PRDM5: variants seen among roughly 807,000 people sequenced by gnomAD.
PRDM5 encodes PR/SET domain 5.
In PRDM5, 56 loss-of-function variants were observed where a neutral mutation model predicts 81.2. The ratio of observed to expected loss-of-function variants is 0.69; its 90% CI spans 0.56 to 0.86. The LOEUF (loss-of-function observed/expected upper bound fraction) is 0.86, where lower values mean the gene tolerates loss of function less well. Among genes scored for constraint, PRDM5 ranks in the 40% least tolerant of loss-of-function variants. PRDM5 has a pLI of 0.00. For missense variants in PRDM5, 697 were observed against 770.1 expected, an observed-to-expected ratio of 0.91 and a Z score of 1.12; for synonymous variants, 267 against 256.4, an observed-to-expected ratio of 1.04 and a Z score of -0.39.
intron 13 of PRDM5, among the ~76,000 whole-genome samples, chr4:120,756,418 AC>A (rs1479688217): frequency 6.6e-6 from 1 of 152,096 alleles, no homozygotes; most frequent in Non-Finnish European, 1.5e-5. Flanking sequence ...ATAACCCCAC[AC>A]TTTTTTACTC....
At chr4:120,843,198 A>T (rs1264219715) in intron 3 of PRDM5, among the ~76,000 whole-genome samples, 2 of 152,022 alleles carry the variant, frequency 1.3e-5, no homozygotes, top group African/African-American at 2.4e-5. Context: ...GCCAGGCGTG[A>T]TGATGTGCAC....
downstream of PRDM5, among the ~76,000 whole-genome samples, chr4:120,687,579 A>G (rs1578549378): frequency 6.6e-6 from 1 of 152,138 alleles, no homozygotes; most frequent in Non-Finnish European, 1.5e-5. Flanking sequence ...GAATAATGCT[A>G]CAATGTGTTC....
intron 15 of PRDM5, among the ~76,000 whole-genome samples, chr4:120,708,797 T>G (rs1465463844): frequency 6.6e-6 from 1 of 152,030 alleles, no homozygotes; most frequent in Non-Finnish European, 1.5e-5. Context: ...GAGAGCTCTT[T>G]AAGAGGGAGA....
intron 14 of PRDM5, among the ~76,000 whole-genome samples, chr4:120,735,656 G>A (rs1326585621): frequency 2.6e-5 from 4 of 152,094 alleles, no homozygotes; most frequent in Non-Finnish European, 5.9e-5. Context: ...AGCAGTGGGA[G>A]AAAGAGGGAG....
chr4:120,824,033 TAGA>T (rs1755635677), intron 3 of PRDM5, among the ~76,000 whole-genome samples: 1 of 152,100 alleles, frequency 6.6e-6, no homozygotes, highest in South Asian at 2.1e-4. Context: ...CCACCATGAG[TAGA>T]AGGAGCCTGA....
At chr4:120,819,699 T>C (rs1755011512) in intron 4 of PRDM5, among the ~76,000 whole-genome samples, 1 of 152,130 alleles carries the variant, frequency 6.6e-6, no homozygotes, top group Non-Finnish European at 1.5e-5. Flanking sequence ...TACTTATTTT[T>C]AAATTAAAAT....
chr4:120,897,139 C>A (rs1333797117), intron 2 of PRDM5: 2 of 151,848 alleles, frequency 1.3e-5, no homozygotes, highest in African/African-American at 4.8e-5. Flanking sequence ...AAAGCTAATT[C>A]TTTGACAAAT....
At chr4:120,844,323 G>C (rs759560346) in intron 3 of PRDM5, among the ~76,000 whole-genome samples, 6 of 152,140 alleles carry the variant, frequency 3.9e-5, no homozygotes, top group Non-Finnish European at 4.4e-5. Flanking sequence ...CTTGCACTTT[G>C]CTTTATTGTG....
intron 8 of PRDM5, among the ~76,000 whole-genome samples, chr4:120,804,154 T>A (rs1752552784): frequency 6.6e-6 from 1 of 152,158 alleles, no homozygotes; most frequent in Non-Finnish European, 1.5e-5. Context: ...GAGCTAACTA[T>A]CCTAAATATA....
At chr4:120,833,182 A>G (rs1259360301) in intron 3 of PRDM5, among the ~76,000 whole-genome samples, 1 of 152,148 alleles carries the variant, frequency 6.6e-6, no homozygotes, top group Non-Finnish European at 1.5e-5. Context: ...TCAATGACAA[A>G]TTCCAGAAAT....
At chr4:120,738,426 T>G (rs767114677) in intron 14 of PRDM5, among the ~76,000 whole-genome samples, 1 of 148,826 alleles carries the variant, frequency 6.7e-6, no homozygotes, top group Non-Finnish European at 1.5e-5. Context: ...AGCTCTTAAT[T>G]TAACTTATTT....
chr4:120,876,523 CT>C (rs1218229754), intron 2 of PRDM5, among the ~76,000 whole-genome samples: 4 of 152,068 alleles, frequency 2.6e-5, no homozygotes, highest in Non-Finnish European at 5.9e-5. Flanking sequence ...AGTACAGTGA[CT>C]TTTAGGAACA....
chr4:120,774,322 A>G (rs572841603), intron 13 of PRDM5, among the ~76,000 whole-genome samples: 2 of 152,236 alleles, frequency 1.3e-5, no homozygotes, highest in Non-Finnish European at 2.9e-5. Flanking sequence ...CACCTTGCTC[A>G]TGTGATAGCA....
At chr4:120,714,338 T>G (rs1737440559) in intron 14 of PRDM5, among the ~76,000 whole-genome samples, 1 of 152,176 alleles carries the variant, frequency 6.6e-6, no homozygotes, top group Non-Finnish European at 1.5e-5. Flanking sequence ...AATATCTCTT[T>G]AACATTTCCA....
chr4:120,847,127 C>T (rs933820971), intron 3 of PRDM5, among the ~76,000 whole-genome samples: 6 of 152,144 alleles, frequency 3.9e-5, no homozygotes, highest in Non-Finnish European at 8.8e-5. Context: ...CCACTGATCA[C>T]TGCTGTAGCT....
chr4:120,834,830 T>C (rs1578922633), intron 3 of PRDM5, among the ~76,000 whole-genome samples: 1 of 152,160 alleles, frequency 6.6e-6, no homozygotes, highest in African/African-American at 2.4e-5. Context: ...ATTTGGCTTT[T>C]CATGCCCTCA....
chr4:120,724,203 T>A (rs1374432189), intron 14 of PRDM5, among the ~76,000 whole-genome samples: 1 of 152,022 alleles, frequency 6.6e-6, no homozygotes. Context: ...TCATTGAGAG[T>A]AATTTCATCA....
intron 2 of PRDM5, among the ~76,000 whole-genome samples, chr4:120,886,656 T>A (rs189664244): frequency 6.6e-6 from 1 of 152,288 alleles, no homozygotes; most frequent in African/African-American, 2.4e-5. Flanking sequence ...TATACATTTA[T>A]GCAATGTATT....
At chr4:120,825,139 C>T (rs1330841581) in intron 3 of PRDM5, among the ~76,000 whole-genome samples, 1 of 152,020 alleles carries the variant, frequency 6.6e-6, no homozygotes, top group Non-Finnish European at 1.5e-5. Context: ...AGCAAACAGC[C>T]TAATCTCCCA....
Sources: gnomAD v4.1 joint callset for allele counts (sites outside exome capture counted in the v4.1 genomes callset) on GRCh38, gnomAD v4.1.1 for gene constraint, MANE v1.5 for transcripts, NCBI Gene and HGNC (gene_info 2026-07-23, HGNC 2026-07-21) for gene names.